VWA8: variants seen among roughly 807,000 people sequenced by gnomAD.
The protein encoded by VWA8 is von Willebrand factor A domain-containing protein 8.
In VWA8, 221 loss-of-function variants were observed where a neutral mutation model predicts 241.5. That is an observed-to-expected ratio of 0.91 (90% CI 0.82 to 1.02). VWA8 has a LOEUF of 1.02. VWA8 is among the 50% of genes least tolerant of loss of function. The probability of loss-of-function intolerance (pLI) is 0.00; values close to 1 mark genes in which losing one functional copy is unlikely to be tolerated. For synonymous variants in VWA8, 852 were observed against 827.1 expected (o/e 1.03, Z -0.52); for missense variants, 2,322 against 2,328.7 (o/e 1.00, Z 0.06).
intron 21 of VWA8, among the ~76,000 whole-genome samples, chr13:41,733,303 A>G (rs2045499585): frequency 3.3e-5 from 5 of 152,358 alleles, no homozygotes; most frequent in Admixed American, 3.3e-4. Flanking sequence ...AAGAAATATA[A>G]TAAAAATCAG....
chr13:41,936,491 CTA>C (rs1292217108), intron 2 of VWA8, among the ~76,000 whole-genome samples: 1 of 152,100 alleles, frequency 6.6e-6, no homozygotes, highest in Non-Finnish European at 1.5e-5. Context: ...TAAGGGTTTA[CTA>C]TTTGAATTCA....
At chr13:41,721,285 T>C in intron 25 of VWA8, 85 bp downstream of exon 25, 2 of 1,375,992 alleles carry the variant, frequency 1.5e-6, no homozygotes, top group South Asian at 2.6e-5. Context: ...TTTATGGAAA[T>C]TAAAAACTCT....
chr13:41,590,887 G>A lies in VWA8; in HGVS notation c.4987-122C>T, dbSNP rs1057171726. On this transcript the variant is annotated intron_variant, in intron 40 of 44. Coordinates refer to ENST00000379310, the MANE Select transcript of VWA8 (RefSeq NM_015058.2). ...TTTTCAGTAAGTGATGGTTCTGCAT[G>A]AACACAGTCATATAAATGAAGTGGT... 7.3e-6 allele frequency: 9 copies of A among 1,241,124 alleles called. 1 individual carries two copies. In the South Asian group the frequency reaches 8.4e-5, roughly 12 times the overall value. The allele number at this position is 1,241,124 out of a possible 1,614,324, so 76.9% of individuals were successfully genotyped here. A position where few individuals can be genotyped will look rare whatever the true frequency, so the allele number is the denominator to read the frequency against.
chr13:41,757,121 A>G (rs2045699726), intron 21 of VWA8, among the ~76,000 whole-genome samples: 1 of 151,736 alleles, frequency 6.6e-6, no homozygotes, highest in Admixed American at 6.6e-5. Context: ...AGGAAAAACT[A>G]ATTGAATAGC....
intron 43 of VWA8, 92 bp downstream of exon 43, chr13:41,575,648 C>T (rs1312710848): frequency 3.5e-6 from 3 of 858,742 alleles, no homozygotes; most frequent in Non-Finnish European, 5.3e-6. Context: ...TTTTTCTTTC[C>T]TGTGTATCTG....
chr13:41,745,147 T>C lies in VWA8; in HGVS notation c.2427-12992A>G, dbSNP rs183345358. ...AGCCACTGCACCTGGCCTATTTTTT[T>C]TTTTAATTATACTTTAAGTTCTAGG... On this transcript the variant is annotated intron_variant, in intron 21 of 44. Transcript: ENST00000379310. Among the ~76,000 whole-genome samples the C allele has an allele frequency of 1.7e-3, 259 of 152,280 alleles. 1 individual carries two copies. Among genetic ancestry groups the C allele is most frequent in the Non-Finnish European group, 3.1e-3 (208 of 68,030 alleles).
chr13:41,575,681 T>G (rs1398010164), intron 43 of VWA8, 59 bp downstream of exon 43: 1 of 1,262,940 alleles, frequency 7.9e-7, no homozygotes, highest in Non-Finnish European at 1.1e-6. Flanking sequence ...TGAATCCTTT[T>G]AGTCTTTACC....
chr13:41,821,414 A>T (rs1002741908), intron 14 of VWA8, among the ~76,000 whole-genome samples: 1 of 152,148 alleles, frequency 6.6e-6, no homozygotes, highest in Non-Finnish European at 1.5e-5. Flanking sequence ...CCTTACATAC[A>T]AATAGGTTAC....
chr13:41,873,196 A>C (rs1189171989), intron 9 of VWA8, among the ~76,000 whole-genome samples: 1 of 152,164 alleles, frequency 6.6e-6, no homozygotes, highest in Admixed American at 6.5e-5. Context: ...TGTAGAGGGA[A>C]ATTTATAGCA....
intron 3 of VWA8, among the ~76,000 whole-genome samples, chr13:41,911,309 C>T (rs1252471888): frequency 6.6e-6 from 1 of 152,154 alleles, no homozygotes; most frequent in Non-Finnish European, 1.5e-5. Flanking sequence ...GGTGATCCAC[C>T]CACCTCAGCC....
intron 35 of VWA8, among the ~76,000 whole-genome samples, chr13:41,676,965 ATCT>A (rs1203670263): frequency 1.3e-5 from 2 of 152,192 alleles, no homozygotes; most frequent in Non-Finnish European, 2.9e-5. Flanking sequence ...TCAAAAAAAA[ATCT>A]TCTTTCAAAA....
Position 41,811,331 on chromosome 13 carries a change from A to G in VWA8, c.1957T>C (p.Leu653=). 6.2e-7 allele frequency: 1 copy of G among 1,609,104 alleles called. No homozygotes were observed. Among genetic ancestry groups the G allele is most frequent in the Non-Finnish European group, 8.5e-7 (1 of 1,176,282 alleles). Residue 653 remains leucine (L), a synonymous_variant, in exon 17 of 45, where the codon TTA becomes CTA. Coordinates refer to ENST00000379310, the MANE Select transcript of VWA8 (RefSeq NM_015058.2). ...TGTCTGGTAGAAAGTGATGCCGCTA[A>G]TGATTGTGCCTATCAAAAGACAAAT... ...RETQDPTAQS[L]AASLSTRQLL...
intron 29 of VWA8, among the ~76,000 whole-genome samples, chr13:41,698,798 A>G (rs529969580): frequency 6.6e-6 from 1 of 152,158 alleles, no homozygotes; most frequent in Admixed American, 6.5e-5. Flanking sequence ...TAAGCTTCAT[A>G]ACAAAGAATC....
At chr13:41,890,401 G>C (rs954049204) in intron 5 of VWA8, among the ~76,000 whole-genome samples, 10 of 152,202 alleles carry the variant, frequency 6.6e-5, no homozygotes, top group Non-Finnish European at 1.5e-4. Flanking sequence ...GTCACAGAAG[G>C]CTGGGTTAGC....
chr13:41,902,140 T>G (rs1249421334), intron 4 of VWA8, among the ~76,000 whole-genome samples: 1 of 151,622 alleles, frequency 6.6e-6, no homozygotes, highest in Non-Finnish European at 1.5e-5. Context: ...TAACCAATAA[T>G]ATAAAAAGGT....
At chr13:41,664,764 G>A (rs2044975922) in intron 37 of VWA8, among the ~76,000 whole-genome samples, 2 of 152,076 alleles carry the variant, frequency 1.3e-5, no homozygotes, top group Admixed American at 1.3e-4. Flanking sequence ...AATAGGAGGA[G>A]GAAAAAGCTA....
chr13:41,924,177 AT>A (rs1937012815), intron 2 of VWA8, among the ~76,000 whole-genome samples: 2 of 152,190 alleles, frequency 1.3e-5, no homozygotes, highest in Admixed American at 1.3e-4. Flanking sequence ...AAAACAATTT[AT>A]AACCTCAGAG....
intron 20 of VWA8, among the ~76,000 whole-genome samples, chr13:41,768,657 C>G (rs1387001338): frequency 6.6e-6 from 1 of 152,076 alleles, no homozygotes; most frequent in African/African-American, 2.4e-5. Flanking sequence ...ATAAATTAAT[C>G]AAGAAATTAA....
At chr13:41,783,935 T>C (rs1240684965) in intron 18 of VWA8, 34 bp from the exon 19 acceptor site, 2 of 1,555,122 alleles carry the variant, frequency 1.3e-6, no homozygotes, top group Non-Finnish European at 1.8e-6. Flanking sequence ...TAATTATTCA[T>C]AGCACTGTCC....
Sources: gnomAD v4.1 joint callset for allele counts (sites outside exome capture counted in the v4.1 genomes callset) on GRCh38, gnomAD v4.1.1 for gene constraint, MANE v1.5 for transcripts, NCBI Gene and HGNC (gene_info 2026-07-23, HGNC 2026-07-21) for gene names.